The following DNA2 variants were observed in gnomAD, a reference collection of about 807,000 sequenced individuals.
The protein encoded by DNA2 is DNA replication ATP-dependent helicase/nuclease DNA2.
A neutral mutation model predicts 119.1 loss-of-function variants in DNA2; 101 were observed. The ratio of observed to expected loss-of-function variants is 0.85; its 90% confidence interval spans 0.72 to 1.00. The LOEUF is 1.00. Among genes scored for constraint, DNA2 ranks in the 50% least tolerant of loss-of-function variants. The pLI is 0.00. For missense variants in DNA2, 1,121 were observed against 1,255.5 expected (o/e 0.89, Z 1.62); for synonymous variants, 366 against 424.4 (o/e 0.86, Z 1.69).
intron 14 of DNA2, among the ~76,000 whole-genome samples, chr10:68,426,588 C>A (rs1307654170): frequency 7.3e-5 from 11 of 151,598 alleles, no homozygotes; most frequent in Non-Finnish European, 1.6e-4. Context: ...GTAATCCCAG[C>A]ACTTTGGGAG....
chr10:68,463,652 G>A (rs1448648875), intron 4 of DNA2, among the ~76,000 whole-genome samples: 1 of 145,476 alleles, frequency 6.9e-6, no homozygotes. Flanking sequence ...CTGAACGACA[G>A]AGGAAGACTC....
intron 14 of DNA2, among the ~76,000 whole-genome samples, chr10:68,425,816 A>AAC (rs1208367905): frequency 1.3e-5 from 2 of 151,860 alleles, no homozygotes; most frequent in African/African-American, 4.8e-5. Flanking sequence ...ATTCAAAAAA[A>AAC]AAACAAAAAC....
Position 68,424,673 on chromosome 10 carries a change from G to A in DNA2, c.2209-1783C>T, listed in dbSNP as rs1421057992. 9.3e-6 allele frequency: 15 copies of A among 1,606,990 alleles called. No individual in the cohort carries two copies. The East Asian group carries it at 2.0e-4, about 22-fold the overall frequency. On this transcript the variant is annotated intron_variant, in intron 14 of 20. Transcript: ENST00000358410. ...TGTCATCCCCGCTCTCCAAGGAGCTGCGGCAGAAGTACAATGTCCGCTCCA... is the reference window on the plus strand; with the variant it reads ...TGTCATCCCCGCTCTCCAAGGAGCTACGGCAGAAGTACAATGTCCGCTCCA...
intron 14 of DNA2, among the ~76,000 whole-genome samples, chr10:68,428,160 T>A (rs375586954): frequency 1.3e-5 from 2 of 151,980 alleles, no homozygotes; most frequent in African/African-American, 4.8e-5. Context: ...ACCCCATCTC[T>A]AGTAAAAATA....
rs192617019 is a variant in DNA2, at chr10:68,444,939, T to C, written c.1202A>G (p.Asn401Ser). 1.3e-5 allele frequency: 21 copies of C among 1,613,260 alleles called. No homozygotes were observed. Among genetic ancestry groups the C allele is most frequent in the Non-Finnish European group, 1.6e-5 (19 of 1,179,544 alleles). ...TATTTACCTGCTATAAAGAGCACAA[T>C]TGCCAATTTGTGAACAATATTTACA... ...KTCKYCSQIGNCALYSRAVEQ... is the reference protein window; with the variant it reads ...KTCKYCSQIGSCALYSRAVEQ... Residue 401 changes from asparagine (N) to serine (S), a missense_variant, in exon 8 of 21, where the codon AAT (asparagine) becomes AGT (serine). Transcript: ENST00000358410.
chr10:68,416,634 C>T (rs1055017214), intron 20 of DNA2, 75 bp downstream of exon 20: 2 of 1,457,502 alleles, frequency 1.4e-6, no homozygotes, highest in Non-Finnish European at 1.9e-6. Flanking sequence ...ATAGTGAGAG[C>T]TTTAATTTAA....
intron 5 of DNA2, among the ~76,000 whole-genome samples, chr10:68,456,539 G>A (rs1236089595): frequency 1.3e-5 from 2 of 151,838 alleles, no homozygotes; most frequent in Non-Finnish European, 2.9e-5. Flanking sequence ...TCAGCCTCCC[G>A]AGTAGCTGGG....
At chr10:68,450,288 T>G in intron 5 of DNA2, 41 bp from the exon 6 acceptor site, 2 of 1,433,706 alleles carry the variant, frequency 1.4e-6, no homozygotes, top group East Asian at 4.9e-5. Context: ...ATTAGAACTC[T>G]TAGCTCATTT....
intron 14 of DNA2, among the ~76,000 whole-genome samples, chr10:68,423,192 G>A (rs2051689640): frequency 6.7e-6 from 1 of 150,068 alleles, no homozygotes; most frequent in Non-Finnish European, 1.5e-5. Context: ...TTGTTTGTTT[G>A]TTTAATGTCA....
chr10:68,431,993 A>G lies in DNA2; in HGVS notation c.1874-22T>C, dbSNP rs568739714. The G allele has an allele frequency of 1.6e-5, 25 of 1,540,400 alleles. 1 individual carries two copies. In the South Asian group the frequency reaches 2.9e-4, roughly 18 times the overall value. Reference sequence around the variant, plus strand: ...AAACCTACATTTAAATTCAAAAATAACAGGAAAAAGAGTGTTGAATTTCAA... The same window carrying G: ...AAACCTACATTTAAATTCAAAAATAGCAGGAAAAAGAGTGTTGAATTTCAA... On this transcript the variant is annotated intron_variant, in intron 12 of 20. Transcript: ENST00000358410.
chr10:68,446,246 G>C (rs1008330753), intron 7 of DNA2, 50 bp downstream of exon 7: 2 of 968,578 alleles, frequency 2.1e-6, no homozygotes, highest in Admixed American at 2.2e-5. Context: ...ACTAGAAGCT[G>C]AAGTGGGGGG....
intron 5 of DNA2, among the ~76,000 whole-genome samples, chr10:68,453,788 C>T (rs985358266): frequency 5.3e-5 from 8 of 152,234 alleles, no homozygotes; most frequent in Admixed American, 3.3e-4. Flanking sequence ...GTGTAGTAGG[C>T]GCTCTACCAT....
intron 5 of DNA2, among the ~76,000 whole-genome samples, chr10:68,453,194 C>T (rs2052142580): frequency 6.6e-6 from 1 of 152,158 alleles, no homozygotes; most frequent in African/African-American, 2.4e-5. Context: ...AGCCACCACA[C>T]CCAGCCACCA....
At chr10:68,472,132 A>C (rs1334479332), upstream of DNA2, 35 of 1,430,068 alleles carry the variant, frequency 2.4e-5, no homozygotes, top group Non-Finnish European at 3.2e-5. Context: ...TATCTGAAGC[A>C]GACTAAACGC....
At chr10:68,417,623 A>T (rs1442950535) in intron 19 of DNA2, among the ~76,000 whole-genome samples, 1 of 148,770 alleles carries the variant, frequency 6.7e-6, no homozygotes, top group East Asian at 2.0e-4. Context: ...ATTGCACTCC[A>T]GTCTGGGTAA....
At chr10:68,441,235 CA>C (rs1453936046) in intron 9 of DNA2, among the ~76,000 whole-genome samples, 7 of 149,652 alleles carry the variant, frequency 4.7e-5, no homozygotes, top group Admixed American at 2.7e-4. Context: ...GAGGTTGAGG[CA>C]GGAGCACTGT....
chr10:68,449,907 G>A (rs968126917), intron 6 of DNA2, 121 bp downstream of exon 6: 4 of 679,006 alleles, frequency 5.9e-6, no homozygotes, highest in Non-Finnish European at 7.3e-6. Context: ...CCAGGAGGCG[G>A]AGCTTTCAGT....
intron 20 of DNA2, 108 bp from the exon 21 acceptor site, chr10:68,415,215 AT>A: frequency 3.1e-6 from 2 of 634,930 alleles, no homozygotes; most frequent in Non-Finnish European, 5.5e-6. Flanking sequence ...CAAAAAAAAA[AT>A]AAGGATCTTT....
chr10:68,441,972 G>C (rs900973812), intron 9 of DNA2, among the ~76,000 whole-genome samples: 1 of 151,600 alleles, frequency 6.6e-6, no homozygotes, highest in Non-Finnish European at 1.5e-5. Flanking sequence ...CTATCACCCA[G>C]GCTGGAGTGC....
Sources: allele counts gnomAD v4.1 joint callset (sites outside exome capture counted in the v4.1 genomes callset), GRCh38; gene constraint gnomAD v4.1.1; transcripts MANE v1.5; gene names NCBI Gene and HGNC (gene_info 2026-07-23, HGNC 2026-07-21).